Variants in TNFRSF13B observed in about 807,000 individuals in gnomAD.
TNFRSF13B encodes the protein tumor necrosis factor receptor superfamily member 13B.
In TNFRSF13B, 34 loss-of-function variants were observed where a neutral mutation model predicts 24.0. The observed-to-expected ratio is 1.41, with a 90% CI of 1.08 to 1.88. TNFRSF13B has a LOEUF of 1.88. TNFRSF13B is among the 40% of genes most tolerant of loss of function. The pLI, the probability that TNFRSF13B is intolerant of heterozygous loss-of-function variation, is 0.00. For synonymous variants in TNFRSF13B, 173 were observed against 150.3 expected (o/e 1.15, Z -1.10); for missense variants, 415 against 380.8 (o/e 1.09, Z -0.75).
At chr17:16,958,660 G>C (rs2087641171) in intron 1 of TNFRSF13B, among the ~76,000 whole-genome samples, 1 of 151,986 alleles carries the variant, frequency 6.6e-6, no homozygotes, top group African/African-American at 2.4e-5. Context: ...GAGAGCTGGG[G>C]CAGCTATACT....
Position 16,948,761 on chromosome 17 carries a change from T to C in TNFRSF13B, c.422A>G (p.His141Arg). Residue 141 changes from histidine to arginine, a missense_variant, in exon 3 of 5, where the codon CAC becomes CGC. Transcript: ENST00000261652. Reference sequence around the variant, plus strand: ...ACCTGGACTTGCTTCTGAGCCTCTGTGCTCCAATCCTTGGTACCTTCCCGA... The same window carrying C: ...ACCTGGACTTGCTTCTGAGCCTCTGCGCTCCAATCCTTGGTACCTTCCCGA... ...DNSGRYQGLE[H>R]RGSEASPALP... 1 of 1,614,190 alleles carries C rather than the reference T, an allele frequency of 6.2e-7. No individual in the cohort carries two copies. The highest frequency in any genetic ancestry group is 8.5e-7 in the Non-Finnish European group (1 of 1,180,050).
At chr17:16,959,945 G>T (rs2143675150) in intron 1 of TNFRSF13B, among the ~76,000 whole-genome samples, 1 of 152,148 alleles carries the variant, frequency 6.6e-6, no homozygotes, top group Admixed American at 6.5e-5. Flanking sequence ...AAAGAGAAAA[G>T]AACACTTCCT....
intron 1 of TNFRSF13B, among the ~76,000 whole-genome samples, chr17:16,958,785 C>T (rs1184331196): frequency 6.6e-6 from 1 of 152,010 alleles, no homozygotes; most frequent in East Asian, 1.9e-4. Flanking sequence ...AATGTATACA[C>T]ACCTAATGAC....
At chr17:16,957,223 A>T (rs560538391) in intron 1 of TNFRSF13B, among the ~76,000 whole-genome samples, 2 of 151,054 alleles carry the variant, frequency 1.3e-5, no homozygotes, top group East Asian at 3.9e-4. Flanking sequence ...GGAATGAAAA[A>T]GTTCAAAAAG....
chr17:16,970,050 C>T (rs770935192), intron 1 of TNFRSF13B, among the ~76,000 whole-genome samples: 4 of 152,172 alleles, frequency 2.6e-5, no homozygotes, highest in African/African-American at 9.7e-5. Context: ...CTGGACCTGA[C>T]AGAGAGACAG....
At chr17:16,969,884 G>C (rs918465417) in intron 1 of TNFRSF13B, among the ~76,000 whole-genome samples, 19 of 152,226 alleles carry the variant, frequency 1.2e-4, no homozygotes, top group Admixed American at 1.2e-3. Context: ...CCCACTTTTG[G>C]GTTGGGGAGC....
rs199777698 is a variant in TNFRSF13B at position 16,940,391 on chromosome 17, C to A, written c.566G>T (p.Arg189Met). ...LVAVACFLKKRGDPCSCQPRS... is the reference protein window; with the variant it reads ...LVAVACFLKKMGDPCSCQPRS... ...GGGCTGGCAGGAGCAGGGATCCCCC[C>A]TCTTCTTGAGGAAGCAGGCCACCGC... Residue 189 changes from arginine to methionine, a missense_variant, in exon 4 of 5, where the codon AGG becomes ATG. Transcript: ENST00000261652. 4.3e-5 allele frequency: 69 copies of A among 1,613,972 alleles called. No individual in the cohort carries two copies. The highest frequency in any genetic ancestry group is 6.7e-5 in the Admixed American group (4 of 60,000).
At position 16,949,001 on chromosome 17, in the gene TNFRSF13B, A is replaced by G; in HGVS notation, c.200-18T>C. 6.2e-7 allele frequency: 1 copy of G among 1,613,930 alleles called. No individual in the cohort carries two copies. Among genetic ancestry groups the G allele is most frequent in the Non-Finnish European group, 8.5e-7 (1 of 1,180,004 alleles). Reference sequence around the variant, plus strand: ...GAGTGACCCTGGGAGAGAGAAATTCATGATACTGCTGGGTGACACAGACTA... The same window carrying G: ...GAGTGACCCTGGGAGAGAGAAATTCGTGATACTGCTGGGTGACACAGACTA... On this transcript the variant is annotated intron_variant, in intron 2 of 4. Coordinates refer to ENST00000261652, the MANE Select transcript of TNFRSF13B (RefSeq NM_012452.3).
intron 3 of TNFRSF13B, chr17:16,940,893 C>T (rs2143643148): frequency 3.5e-6 from 4 of 1,140,550 alleles, no homozygotes; most frequent in South Asian, 2.3e-5. Flanking sequence ...AAGGAGAAAG[C>T]TTCCTGAGTG....
At chr17:16,964,805 G>T (rs774907902) in intron 1 of TNFRSF13B, among the ~76,000 whole-genome samples, 28 of 152,182 alleles carry the variant, frequency 1.8e-4, no homozygotes, top group Non-Finnish European at 3.2e-4. Context: ...ATGGTTCAGT[G>T]ACCCAGAGTG....
At chr17:16,944,699 C>T (rs1225784948) in intron 3 of TNFRSF13B, among the ~76,000 whole-genome samples, 1 of 152,166 alleles carries the variant, frequency 6.6e-6, no homozygotes, top group Non-Finnish European at 1.5e-5. Context: ...GCCTCATTCT[C>T]CCCACTCCCC....
In TNFRSF13B at chr17:16,939,791, G is replaced by A. The variant is rs763164041; in HGVS notation, c.638C>T (p.Ala213Val). Residue 213 changes from alanine to valine, a missense_variant, in exon 5 of 5, where the codon GCG (alanine) becomes GTG (valine). Physicochemically the swap from Ala to Val is moderately conservative, Grantham distance 64. Coordinates refer to ENST00000261652, the MANE Select transcript of TNFRSF13B (RefSeq NM_012452.3). Reference sequence around the variant, plus strand: ...GCTCACAGGGCTGCCGGCTTCCATCGCGTGATCTGCAGAGGCGAGAGTGGA... The same window carrying A: ...GCTCACAGGGCTGCCGGCTTCCATCACGTGATCTGCAGAGGCGAGAGTGGA... ...QSPAKSSQDH[A>V]MEAGSPVSTS... The A allele has an allele frequency of 1.1e-5, 17 of 1,611,266 alleles. No homozygotes were observed. Among genetic ancestry groups the A allele is most frequent in the South Asian group, 4.4e-5 (4 of 90,830 alleles).
intron 3 of TNFRSF13B, among the ~76,000 whole-genome samples, chr17:16,945,669 C>G (rs752534858): frequency 1.3e-5 from 2 of 152,198 alleles, no homozygotes; most frequent in Admixed American, 1.3e-4. Context: ...GGCATGGCCC[C>G]TCGCATCTGT....
At chr17:16,970,269 C>G (rs2087734443) in intron 1 of TNFRSF13B, among the ~76,000 whole-genome samples, 1 of 152,174 alleles carries the variant, frequency 6.6e-6, no homozygotes, top group African/African-American at 2.4e-5. Flanking sequence ...GGGAACACCT[C>G]TCTGACACTA....
chr17:16,940,365 G>A lies in TNFRSF13B; in HGVS notation c.592C>T (p.Arg198Cys), dbSNP rs140781824. The A allele has an allele frequency of 9.3e-5, 150 of 1,613,806 alleles. 1 individual carries two copies. The highest frequency in any genetic ancestry group is 8.2e-4 in the Admixed American group (49 of 59,992). ...KRGDPCSCQP[R>C]SRPRQSPAKS... is the part of the protein sequence containing the mutation. ...GCCGGACTTTGACGGGGCCTTGAGCGGGGCTGGCAGGAGCAGGGATCCCCC... is the reference window on the plus strand; with the variant it reads ...GCCGGACTTTGACGGGGCCTTGAGCAGGGCTGGCAGGAGCAGGGATCCCCC... Residue 198 changes from arginine (R) to cysteine (C), a missense_variant, in exon 4 of 5, where the codon CGC becomes TGC. By Grantham distance (180) the Arg-to-Cys change is radical. Transcript: ENST00000261652.
chr17:16,965,397 A>G (rs984555123), intron 1 of TNFRSF13B, among the ~76,000 whole-genome samples: 2 of 152,218 alleles, frequency 1.3e-5, no homozygotes, highest in Non-Finnish European at 2.9e-5. Context: ...GTGACATTTC[A>G]GGGTATAGCC....
At chr17:16,959,691 C>G (rs112379004) in intron 1 of TNFRSF13B, among the ~76,000 whole-genome samples, 2 of 152,038 alleles carry the variant, frequency 1.3e-5, no homozygotes, top group African/African-American at 4.8e-5. Flanking sequence ...TAAAAGAATA[C>G]TATAAACAAT....
At chr17:16,971,879 G>A (rs1315423184) in intron 1 of TNFRSF13B, 136 bp downstream of exon 1, 13 of 848,650 alleles carry the variant, frequency 1.5e-5, no homozygotes, top group Non-Finnish European at 2.2e-5. Context: ...AGGAGCTTGG[G>A]GAGGCTGGGA....
rs545707197 is a variant in TNFRSF13B at position 16,952,274 on chromosome 17, G to A, written c.199+172C>T. Among the ~76,000 whole-genome samples, 306 of 152,354 alleles carry A rather than the reference G, an allele frequency of 2.0e-3. 1 individual carries two copies. Among genetic ancestry groups the A allele is most frequent in the South Asian group, 8.3e-3 (40 of 4,824 alleles). The stretch of plus-strand genomic sequence containing the variant: ...AAGAATGGACTGTGTTTGAGACACC[G>A]AAAGGAGGTTGTGTGACCAAAGCAG... On this transcript the variant is annotated intron_variant, in intron 2 of 4. Transcript: ENST00000261652.
Sources: gnomAD v4.1 joint callset for allele counts (sites outside exome capture counted in the v4.1 genomes callset) on GRCh38, gnomAD v4.1.1 for gene constraint, MANE v1.5 for transcripts, NCBI Gene and HGNC (gene_info 2026-07-23, HGNC 2026-07-21) for gene names.